KLF8: variants seen among roughly 807,000 people sequenced by gnomAD.
The protein encoded by KLF8 is Krueppel-like factor 8.
KLF8 carries 10 observed loss-of-function variants against 18.2 expected under a neutral mutation model. The ratio of observed to expected loss-of-function variants is 0.55; its 90% CI spans 0.34 to 0.93. The LOEUF (loss-of-function observed/expected upper bound fraction) is 0.93, where lower values mean the gene tolerates loss of function less well. Among genes scored for constraint, KLF8 ranks in the 40% least tolerant of loss-of-function variants. The pLI is 0.02. For missense variants in KLF8, 264 were observed against 277.9 expected, an observed-to-expected ratio of 0.95 and a Z score of 0.36; for synonymous variants, 109 against 97.3, an observed-to-expected ratio of 1.12 and a Z score of -0.71.
the KLF8 span, among the ~76,000 whole-genome samples, chrX:55,909,637 T>C: frequency 8.9e-6 from 1 of 112,625 alleles, no homozygotes; most frequent in South Asian, 3.7e-4. Context: ...CTTACATGAA[T>C]GGCTCAATGG....
At chrX:56,054,085 T>A in the KLF8 span, among the ~76,000 whole-genome samples, 1 of 110,552 alleles carries the variant, frequency 9.0e-6, no homozygotes, top group African/African-American at 3.3e-5. Flanking sequence ...CTAGTTGTGA[T>A]GTTAAGTTGT....
the KLF8 span, among the ~76,000 whole-genome samples, chrX:56,005,029 G>GATTATT: frequency 1.0e-3 from 103 of 100,043 alleles, 1 homozygote; most frequent in Admixed American, 7.2e-3. Flanking sequence ...TATCCTTTAT[G>GATTATT]ATTATTATTA....
chrX:56,075,847 C>T, the KLF8 span, among the ~76,000 whole-genome samples: 1 of 111,978 alleles, frequency 8.9e-6, no homozygotes, highest in Non-Finnish European at 1.9e-5. Flanking sequence ...GACAATGTCT[C>T]ATTATTTTTA....
chrX:56,035,181 A>AT, the KLF8 span, among the ~76,000 whole-genome samples: 1 of 111,505 alleles, frequency 9.0e-6, no homozygotes, highest in East Asian at 2.8e-4. Flanking sequence ...TGAAATCACC[A>AT]TTTTTTACCT....
At chrX:56,136,446 G>A in the KLF8 span, among the ~76,000 whole-genome samples, 3 of 110,562 alleles carry the variant, frequency 2.7e-5, no homozygotes, top group Non-Finnish European at 3.8e-5. Context: ...CAGAAATAAC[G>A]CCGCATATCT....
chrX:56,113,305 GT>G, the KLF8 span, among the ~76,000 whole-genome samples: 642 of 105,307 alleles, frequency 6.1e-3, 1 homozygote, highest in Middle Eastern at 0.019. Flanking sequence ...TACTTTCATG[GT>G]TTTTTTTTTT....
At chrX:56,095,445 T>C in the KLF8 span, among the ~76,000 whole-genome samples, 3 of 111,258 alleles carry the variant, frequency 2.7e-5, no homozygotes, top group African/African-American at 9.8e-5. Flanking sequence ...CAAAAGCAAA[T>C]ACAATAGAAA....
chrX:56,138,502 G>T, the KLF8 span, among the ~76,000 whole-genome samples: 8 of 111,594 alleles, frequency 7.2e-5, no homozygotes, highest in South Asian at 7.5e-4. Flanking sequence ...GGGATGCAAG[G>T]TTGGTTAAAC....
chrX:56,050,154 C>G, the KLF8 span, among the ~76,000 whole-genome samples: 1 of 110,337 alleles, frequency 9.1e-6, no homozygotes, highest in Admixed American at 9.6e-5. Flanking sequence ...TGATTCTTCT[C>G]TCTTTTCTTC....
At chrX:55,969,796 G>C in the KLF8 span, among the ~76,000 whole-genome samples, 1 of 110,736 alleles carries the variant, frequency 9.0e-6, no homozygotes, top group African/African-American at 3.3e-5. Context: ...AACATTACAG[G>C]CTAATATAAA....
chrX:55,994,559 T>A, the KLF8 span, among the ~76,000 whole-genome samples: 9 of 110,364 alleles, frequency 8.2e-5, no homozygotes, highest in Non-Finnish European at 1.3e-4. Context: ...GGGTGTTTAG[T>A]GCTGTAAATT....
the KLF8 span, among the ~76,000 whole-genome samples, chrX:56,183,070 G>A: frequency 1.8e-4 from 20 of 112,303 alleles, no homozygotes; most frequent in African/African-American, 6.1e-4. Flanking sequence ...CCCCAGAGCG[G>A]GAGTCTACAG....
chrX:56,027,443 C>T, the KLF8 span, among the ~76,000 whole-genome samples: 1 of 112,186 alleles, frequency 8.9e-6, no homozygotes. Flanking sequence ...CAGAATTTAA[C>T]AGGCCTTTTT....
chrX:56,105,059 A>G, the KLF8 span, among the ~76,000 whole-genome samples: 8 of 111,801 alleles, frequency 7.2e-5, no homozygotes, highest in Non-Finnish European at 1.5e-4. Flanking sequence ...TTCTAATTTG[A>G]TTGCACTGTG....
the KLF8 span, among the ~76,000 whole-genome samples, chrX:56,081,750 G>A: frequency 8.9e-6 from 1 of 111,849 alleles, no homozygotes; most frequent in Non-Finnish European, 1.9e-5. Flanking sequence ...TTAATGTGAT[G>A]TATTACATTG....
upstream of KLF8, among the ~76,000 whole-genome samples, chrX:56,228,960 C>T (rs1201359277): frequency 1.8e-5 from 2 of 111,441 alleles, no homozygotes; most frequent in Non-Finnish European, 3.8e-5. Context: ...TTCCCCAGCC[C>T]AGCTTTACCC....
chrX:56,121,120 A>G, the KLF8 span, among the ~76,000 whole-genome samples: 1 of 100,404 alleles, frequency 1.0e-5, no homozygotes, highest in African/African-American at 3.8e-5. Context: ...CGGGAGGCGG[A>G]GCTTGCAGTG....
the KLF8 span, among the ~76,000 whole-genome samples, chrX:56,006,937 G>C: frequency 1.8e-5 from 2 of 111,677 alleles, no homozygotes; most frequent in Non-Finnish European, 3.8e-5. Context: ...GTCAGTGTCA[G>C]TGGGCAGGGT....
At chrX:56,254,826 G>A (rs1261434329) in intron 2 of KLF8, among the ~76,000 whole-genome samples, 2 of 111,156 alleles carry the variant, frequency 1.8e-5, no homozygotes, top group Non-Finnish European at 3.8e-5. Context: ...GCTGAGCCTG[G>A]GTTTTTATGG....
Sources: allele counts gnomAD v4.1 joint callset (sites outside exome capture counted in the v4.1 genomes callset), GRCh38; gene constraint gnomAD v4.1.1; transcripts MANE v1.5; gene names NCBI Gene and HGNC (gene_info 2026-07-23, HGNC 2026-07-21).